The following TMEFF2 variants were observed in gnomAD, a reference collection of about 807,000 sequenced individuals.
The protein encoded by TMEFF2 is transmembrane protein with EGF like and two follistatin like domains 2, also known as tomoregulin-2.
In TMEFF2, 28 loss-of-function variants were observed where a neutral mutation model predicts 53.8. The ratio of observed to expected loss-of-function variants is 0.52; its 90% confidence interval spans 0.39 to 0.71. The LOEUF (loss-of-function observed/expected upper bound fraction) is 0.71, where lower values mean the gene tolerates loss of function less well. Among genes scored for constraint, TMEFF2 ranks in the 30% least tolerant of loss-of-function variants. The pLI is 0.00. For synonymous variants in TMEFF2, 162 were observed against 166.3 expected, an observed-to-expected ratio of 0.97 and a Z score of 0.20; for missense variants, 353 against 455.2, an observed-to-expected ratio of 0.78 and a Z score of 2.04.
At chr2:192,114,089 T>C (rs1396170729) in intron 4 of TMEFF2, among the ~76,000 whole-genome samples, 2 of 150,470 alleles carry the variant, frequency 1.3e-5, no homozygotes, top group African/African-American at 2.5e-5. Context: ...TGTGTGTGTG[T>C]GTGTGTGTGT....
chr2:192,114,064 T>G (rs1689343412), intron 4 of TMEFF2, among the ~76,000 whole-genome samples: 1 of 143,060 alleles, frequency 7.0e-6, no homozygotes. Context: ...AATCTGGAAA[T>G]TGTGTGTGTG....
At chr2:192,191,739 C>G in intron 2 of TMEFF2, 141 bp downstream of exon 2, 1 of 593,548 alleles carries the variant, frequency 1.7e-6, no homozygotes, top group South Asian at 2.2e-5. Flanking sequence ...TCAGTTGGCT[C>G]TCTTGCTAGT....
At chr2:191,969,399 G>A (rs1692567379) in intron 7 of TMEFF2, among the ~76,000 whole-genome samples, 1 of 152,066 alleles carries the variant, frequency 6.6e-6, no homozygotes, top group Admixed American at 6.6e-5. Context: ...AGGTGACAAG[G>A]TAAGGTGCAA....
chr2:192,089,745 T>C (rs1299839382), intron 4 of TMEFF2, among the ~76,000 whole-genome samples: 1 of 152,122 alleles, frequency 6.6e-6, no homozygotes, highest in African/African-American at 2.4e-5. Flanking sequence ...CGTAACCTCT[T>C]TAAGGTTTTG....
intron 4 of TMEFF2, among the ~76,000 whole-genome samples, chr2:192,071,368 A>T (rs909129048): frequency 8.6e-5 from 13 of 151,724 alleles, no homozygotes; most frequent in Non-Finnish European, 2.9e-5. Flanking sequence ...ACTTTACATA[A>T]CCTAGCATTA....
chr2:192,017,121 CAG>C (rs1167594792), intron 5 of TMEFF2, among the ~76,000 whole-genome samples: 1 of 152,148 alleles, frequency 6.6e-6, no homozygotes, highest in Admixed American at 6.5e-5. Context: ...TGCCCAAACA[CAG>C]AGGCATGAAG....
intron 7 of TMEFF2, among the ~76,000 whole-genome samples, chr2:191,987,278 C>T (rs1574268395): frequency 6.6e-6 from 1 of 152,092 alleles, no homozygotes; most frequent in South Asian, 2.1e-4. Flanking sequence ...TTGGTAGAGG[C>T]AAAATTGAGA....
In TMEFF2 at chr2:191,950,149, C is replaced by G. The variant is rs182325201; in HGVS notation, c.*162G>C. 3 of 1,417,160 alleles carry G rather than the reference C, an allele frequency of 2.1e-6. No individual in the cohort carries two copies. Among genetic ancestry groups the G allele is most frequent in the East Asian group, 2.6e-5 (1 of 39,158 alleles). 87.8% of individuals were successfully genotyped at this position (1,417,160 alleles called of 1,614,324 possible). ...ACAATGTATACTATTTCAAATATAT[C>G]CATACATAATCAAATATAGCTGTAG... On this transcript the variant is annotated 3_prime_UTR_variant, in exon 10 of 10. Transcript: ENST00000272771.
At chr2:192,078,606 T>C (rs1688485539) in intron 4 of TMEFF2, among the ~76,000 whole-genome samples, 1 of 152,178 alleles carries the variant, frequency 6.6e-6, no homozygotes, top group Non-Finnish European at 1.5e-5. Context: ...TTACAGCTTA[T>C]TTGTGGGGAA....
At chr2:191,986,333 G>T (rs913963090) in intron 7 of TMEFF2, among the ~76,000 whole-genome samples, 2 of 152,142 alleles carry the variant, frequency 1.3e-5, no homozygotes, top group Non-Finnish European at 2.9e-5. Flanking sequence ...ACATGGCTTT[G>T]AACAGAAGAA....
chr2:192,080,629 C>G (rs1020185284), intron 4 of TMEFF2, among the ~76,000 whole-genome samples: 2 of 152,164 alleles, frequency 1.3e-5, no homozygotes, highest in Non-Finnish European at 2.9e-5. Flanking sequence ...TCCAGAGACA[C>G]TGCAACTGCA....
intron 5 of TMEFF2, among the ~76,000 whole-genome samples, chr2:192,005,749 T>A (rs986329084): frequency 4.6e-5 from 7 of 152,154 alleles, no homozygotes; most frequent in African/African-American, 1.7e-4. Context: ...CCCTGTCAGA[T>A]CTGTAATGGA....
At chr2:192,061,781 C>T (rs1010552458) in intron 4 of TMEFF2, among the ~76,000 whole-genome samples, 3 of 152,044 alleles carry the variant, frequency 2.0e-5, no homozygotes, top group Non-Finnish European at 1.5e-5. Flanking sequence ...AGGGAGTTCT[C>T]ACTCAGTTAG....
intron 5 of TMEFF2, among the ~76,000 whole-genome samples, chr2:192,011,522 A>C: frequency 6.6e-6 from 1 of 152,246 alleles, no homozygotes; most frequent in East Asian, 1.9e-4. Flanking sequence ...TCTTGGCTTC[A>C]TCTCAGAAGA....
At chr2:192,164,714 G>C (rs1176669612) in intron 4 of TMEFF2, among the ~76,000 whole-genome samples, 1 of 132,692 alleles carries the variant, frequency 7.5e-6, no homozygotes. Flanking sequence ...GTGACATAGC[G>C]AGACTTCGTC....
intron 4 of TMEFF2, among the ~76,000 whole-genome samples, chr2:192,096,725 G>A (rs147783819): frequency 0.029 from 3,766 of 130,498 alleles, 181 homozygotes; most frequent in African/African-American, 0.11. Flanking sequence ...TGCCCAGGCT[G>A]GAGTGCAGTG....
At chr2:192,088,562 A>G (rs1364717340) in intron 4 of TMEFF2, among the ~76,000 whole-genome samples, 1 of 152,140 alleles carries the variant, frequency 6.6e-6, no homozygotes, top group Non-Finnish European at 1.5e-5. Flanking sequence ...AGCTGCTACA[A>G]ATGAAACGAT....
chr2:192,150,810 G>A (rs1310587678), intron 4 of TMEFF2, among the ~76,000 whole-genome samples: 4 of 145,708 alleles, frequency 2.7e-5, no homozygotes, highest in Non-Finnish European at 6.0e-5. Flanking sequence ...TCTTTGAAAA[G>A]TTTGAGTTTA....
At chr2:192,167,888 G>A (rs990953789) in intron 4 of TMEFF2, among the ~76,000 whole-genome samples, 2 of 152,126 alleles carry the variant, frequency 1.3e-5, no homozygotes, top group African/African-American at 2.4e-5. Flanking sequence ...GTTGATGCAT[G>A]CATCAACTAA....
Sources: gnomAD v4.1 joint callset for allele counts (sites outside exome capture counted in the v4.1 genomes callset) on GRCh38, gnomAD v4.1.1 for gene constraint, MANE v1.5 for transcripts, NCBI Gene and HGNC (gene_info 2026-07-23, HGNC 2026-07-21) for gene names.